Variants in CDK13 observed in about 807,000 individuals in gnomAD.
CDK13 encodes the protein cyclin-dependent kinase 13.
CDK13 carries 40 observed loss-of-function variants against 137.6 expected under a neutral mutation model. The observed-to-expected ratio is 0.29, with a 90% CI of 0.23 to 0.38. CDK13 has a LOEUF of 0.38. Ranked by LOEUF, CDK13 falls within the 10% of genes least tolerant of loss-of-function variation. CDK13 has a pLI of 1.00. For missense variants in CDK13, 1,704 were observed against 1,951.8 expected (o/e 0.87, Z 2.39); for synonymous variants, 869 against 760.1 (o/e 1.14, Z -2.36).
intron 11 of CDK13, 22 bp downstream of exon 11, chr7:40,078,873 T>C: frequency 3.4e-6 from 3 of 870,340 alleles, no homozygotes; most frequent in Non-Finnish European, 4.5e-6. Flanking sequence ...TTTATCCTAT[T>C]ATTATTATAT....
chr7:39,992,917 C>A (rs973998971), intron 2 of CDK13, among the ~76,000 whole-genome samples: 1 of 152,060 alleles, frequency 6.6e-6, no homozygotes. Flanking sequence ...TACAGGAGGA[C>A]CAAAATATCA....
At chr7:40,064,957 ATTTTTTTTTTTTT>A (rs56710188) in intron 9 of CDK13, among the ~76,000 whole-genome samples, 4 of 46,102 alleles carry the variant, frequency 8.7e-5, no homozygotes, top group Non-Finnish European at 1.6e-4. Context: ...ATGCTGGGTG[ATTTTTTTTTTTTT>A]TTTTTTTTTT....
At chr7:40,026,465 A>G (rs1032411490) in intron 5 of CDK13, among the ~76,000 whole-genome samples, 1 of 121,052 alleles carries the variant, frequency 8.3e-6, no homozygotes, top group Non-Finnish European at 2.0e-5. Flanking sequence ...GTGAGCTGCG[A>G]TTGCAGCACT....
chr7:40,007,150 C>T (rs1392720151), intron 5 of CDK13, among the ~76,000 whole-genome samples: 1 of 152,114 alleles, frequency 6.6e-6, no homozygotes, highest in Non-Finnish European at 1.5e-5. Context: ...AATTACTATC[C>T]CGTAATTAAT....
chr7:40,011,163 A>G (rs760981298), intron 5 of CDK13, among the ~76,000 whole-genome samples: 8 of 152,210 alleles, frequency 5.3e-5, no homozygotes, highest in Non-Finnish European at 8.8e-5. Context: ...TGCAAATTCA[A>G]AGGAGCTAGA....
chr7:39,976,323 T>TCTCTCTCTCTCTCTCACACA lies in CDK13; in HGVS notation c.1212-11275_1212-11274insTCTCTCTCTCTCTCACACAC. On this transcript the variant is annotated intron_variant, in intron 1 of 13. Coordinates refer to ENST00000181839, the MANE Select transcript of CDK13 (RefSeq NM_003718.5). ...CTCTCTCTCTCTCTCTCTCTCTCTC[T>TCTCTCTCTCTCTCTCACACA]CACACACACACACACACACACACAC... Among the ~76,000 whole-genome samples the TCTCTCTCTCTCTCTCACACA allele has an allele frequency of 7.8e-3, 309 of 39,540 alleles. 10 individuals are homozygous for TCTCTCTCTCTCTCTCACACA. The highest frequency in any genetic ancestry group is 0.011 in the Non-Finnish European group (182 of 17,094). 25.9% of individuals were successfully genotyped at this position (39,540 alleles called of 152,430 possible). A position where few individuals can be genotyped will look rare whatever the true frequency, so the allele number is the denominator to read the frequency against.
intron 7 of CDK13, chr7:40,062,113 A>G (rs1420210526): frequency 6.6e-6 from 1 of 152,144 alleles, no homozygotes; most frequent in Non-Finnish European, 1.5e-5. Flanking sequence ...GGTGGTCTTT[A>G]TTTGAACTAT....
At chr7:40,015,289 G>A (rs1583990865) in intron 5 of CDK13, among the ~76,000 whole-genome samples, 1 of 152,226 alleles carries the variant, frequency 6.6e-6, no homozygotes, top group Middle Eastern at 3.4e-3. Context: ...GAAGGGAGTT[G>A]GATAGGAATG....
chr7:40,091,759 A>T (rs868670324), intron 12 of CDK13, among the ~76,000 whole-genome samples: 18 of 152,204 alleles, frequency 1.2e-4, no homozygotes, highest in African/African-American at 4.1e-4. Context: ...TCATAAGAAG[A>T]ACTTGCAGAA....
chr7:39,995,578 A>C (rs1047843275), intron 2 of CDK13, among the ~76,000 whole-genome samples: 1 of 152,214 alleles, frequency 6.6e-6, no homozygotes, highest in African/African-American at 2.4e-5. Context: ...TTTTGAAAGA[A>C]ACTATAGCTT....
Position 39,951,530 on chromosome 7 carries a change from C to T in CDK13, c.889C>T (p.Pro297Ser). Residue 297 changes from proline (P) to serine (S), a missense_variant, in exon 1 of 14, where the codon CCC becomes TCC. Physicochemically the swap from Pro to Ser is moderately conservative, Grantham distance 74. This residue lies in a region of CDK13 where 1,051 missense variants were observed against 931.0 expected (regional missense o/e 1.13). Transcript: ENST00000181839. ...KEPPSAYKEP[P>S]KAYREDKTEP... ...GCCGCCTTCGGCCTACAAGGAACCG[C>T]CCAAGGCCTACCGGGAGGACAAGAC... is the stretch of plus-strand genomic sequence containing the variant. 2.6e-6 allele frequency: 4 copies of T among 1,536,556 alleles called. No individual in the cohort carries two copies. Among genetic ancestry groups the T allele is most frequent in the Non-Finnish European group, 3.5e-6 (4 of 1,143,756 alleles).
At chr7:40,065,599 C>T (rs1301734832) in intron 9 of CDK13, among the ~76,000 whole-genome samples, 6 of 152,104 alleles carry the variant, frequency 3.9e-5, no homozygotes, top group Non-Finnish European at 7.3e-5. Context: ...TGCTTTAGAA[C>T]ATCTAGGTTT....
chr7:40,073,550 T>A (rs1452557841), intron 9 of CDK13: 1 of 120,514 alleles, frequency 8.3e-6, no homozygotes, highest in Non-Finnish European at 2.0e-5. Flanking sequence ...GTAATAAAGC[T>A]TTTCTTTCTT....
At chr7:40,019,863 T>G (rs1170072895) in intron 5 of CDK13, among the ~76,000 whole-genome samples, 1 of 152,122 alleles carries the variant, frequency 6.6e-6, no homozygotes, top group Non-Finnish European at 1.5e-5. Flanking sequence ...TTTAGTGGCA[T>G]AAAGATGTTA....
chr7:40,013,863 A>T (rs1226481929), intron 5 of CDK13, among the ~76,000 whole-genome samples: 1 of 152,138 alleles, frequency 6.6e-6, no homozygotes, highest in Non-Finnish European at 1.5e-5. Flanking sequence ...AGAGGGATAG[A>T]CGGGTGAGGG....
intron 2 of CDK13, among the ~76,000 whole-genome samples, chr7:39,989,488 TTAACAC>T (rs1194799963): frequency 8.5e-5 from 13 of 152,154 alleles, no homozygotes; most frequent in African/African-American, 4.8e-5. Flanking sequence ...ATTTTATAAT[TTAACAC>T]AAACAAAAGT....
chr7:40,034,695 G>C (rs539831445), intron 5 of CDK13, among the ~76,000 whole-genome samples: 1 of 152,188 alleles, frequency 6.6e-6, no homozygotes, highest in African/African-American at 2.4e-5. Flanking sequence ...TAAGTCAAAG[G>C]ATATTTGTGT....
At chr7:40,043,221 CA>C (rs1186481769) in intron 5 of CDK13, among the ~76,000 whole-genome samples, 2 of 152,136 alleles carry the variant, frequency 1.3e-5, no homozygotes, top group East Asian at 3.8e-4. Flanking sequence ...ATACATTTGT[CA>C]AAACACTATT....
intron 5 of CDK13, among the ~76,000 whole-genome samples, chr7:40,003,557 C>T (rs1291253095): frequency 1.3e-5 from 2 of 152,134 alleles, no homozygotes; most frequent in African/African-American, 2.4e-5. Flanking sequence ...TCTGTTATCC[C>T]TTCATCCATA....
Sources: gnomAD v4.1 joint callset for allele counts (sites outside exome capture counted in the v4.1 genomes callset) on GRCh38, gnomAD v4.1.1 for gene constraint, gnomAD v4.1.1 regional missense constraint, MANE v1.5 for transcripts, NCBI Gene and HGNC (gene_info 2026-07-23, HGNC 2026-07-21) for gene names.